The following PPP2R2D variants were observed in gnomAD, a reference collection of about 807,000 sequenced individuals.
The protein encoded by PPP2R2D is protein phosphatase 2 regulatory subunit Bdelta.
Under a neutral mutation model 31.1 loss-of-function variants are expected in PPP2R2D, and 9 were observed. The ratio of observed to expected loss-of-function variants is 0.29; its 90% CI spans 0.17 to 0.51. The LOEUF (loss-of-function observed/expected upper bound fraction) is 0.51. Ranked by LOEUF, PPP2R2D falls within the 20% of genes least tolerant of loss-of-function variation. The probability of loss-of-function intolerance (pLI) is 0.98; values close to 1 mark genes in which losing one functional copy is unlikely to be tolerated. For synonymous variants in PPP2R2D, 179 were observed against 172.6 expected (o/e 1.04, Z -0.29); for missense variants, 391 against 465.6 (o/e 0.84, Z 1.48).
At chr10:131,930,985 C>G (rs1169239299) in intron 2 of PPP2R2D, among the ~76,000 whole-genome samples, 2 of 152,220 alleles carry the variant, frequency 1.3e-5, no homozygotes, top group Non-Finnish European at 2.9e-5. Flanking sequence ...CCTCCTCTTT[C>G]CTTCTTTAGC....
chr10:131,917,234 T>C (rs1355090240), intron 2 of PPP2R2D, among the ~76,000 whole-genome samples: 776 of 103,986 alleles, frequency 7.5e-3, no homozygotes, highest in Non-Finnish European at 7.6e-3. Flanking sequence ...CTCAGGCGGG[T>C]GGAATGACAC....
intron 2 of PPP2R2D, among the ~76,000 whole-genome samples, chr10:131,930,206 A>T (rs2036194732): frequency 6.6e-6 from 1 of 151,858 alleles, no homozygotes; most frequent in Non-Finnish European, 1.5e-5. Flanking sequence ...ATGCTTAGTT[A>T]TCTGTGTCTT....
chr10:131,907,731 G>A (rs966727050), intron 2 of PPP2R2D, among the ~76,000 whole-genome samples: 3,944 of 148,356 alleles, frequency 0.027, 84 homozygotes, highest in Non-Finnish European at 0.041. Flanking sequence ...GCAGCAGAGC[G>A]AGACTCCATA....
At chr10:131,941,154 G>T (rs1197617508) in intron 5 of PPP2R2D, among the ~76,000 whole-genome samples, 1 of 152,186 alleles carries the variant, frequency 6.6e-6, no homozygotes, top group Non-Finnish European at 1.5e-5. Context: ...GGCAGATGCT[G>T]ATGGTTCAGA....
At chr10:131,938,566 C>T (rs1479703963) in intron 3 of PPP2R2D, among the ~76,000 whole-genome samples, 8 of 152,196 alleles carry the variant, frequency 5.3e-5, no homozygotes, top group African/African-American at 1.7e-4. Context: ...TTCACTCTCC[C>T]TCTAGCTTCC....
rs1554898063 is a variant in PPP2R2D at position 131,947,073 on chromosome 10, A to T, written c.821-457A>T. On this transcript the variant is annotated intron_variant, in intron 7 of 8. Transcript: ENST00000455566. This position sits in a 1 kb window ranked among gnomAD's most constrained non-coding sequence, Gnocchi z 4.3. ...AGGCACAGACCGCTGTGTCTGCATG[A>T]CCATATAATGCTGTTTGTGTCTTCC... Among the ~76,000 whole-genome samples, 3 of 152,156 alleles carry T rather than the reference A, an allele frequency of 2.0e-5. No individual in the cohort carries two copies. The highest frequency in any genetic ancestry group is 4.4e-5 in the Non-Finnish European group (3 of 68,016).
chr10:131,918,081 TGACA>T (rs2035855970), intron 2 of PPP2R2D, among the ~76,000 whole-genome samples: 1 of 133,058 alleles, frequency 7.5e-6, no homozygotes, highest in African/African-American at 2.9e-5. Context: ...GCGGGTGGAG[TGACA>T]CAGTGTTTGT....
At chr10:131,902,156 T>G (rs2035510737) in intron 2 of PPP2R2D, among the ~76,000 whole-genome samples, 1 of 152,222 alleles carries the variant, frequency 6.6e-6, no homozygotes, top group African/African-American at 2.4e-5. Flanking sequence ...AATGGAGAAC[T>G]TGGTCGAGTC....
intron 2 of PPP2R2D, among the ~76,000 whole-genome samples, chr10:131,904,381 G>T (rs1225803110): frequency 6.6e-6 from 1 of 151,748 alleles, no homozygotes; most frequent in Non-Finnish European, 1.5e-5. Flanking sequence ...GTGATGGCGG[G>T]CGCCTGCAGT....
intron 2 of PPP2R2D, among the ~76,000 whole-genome samples, chr10:131,924,238 T>C (rs1173739515): frequency 6.6e-6 from 1 of 152,194 alleles, no homozygotes; most frequent in Admixed American, 6.5e-5. Flanking sequence ...GACCACTGTC[T>C]AATCCAAGAT....
downstream of PPP2R2D, among the ~76,000 whole-genome samples, chr10:131,960,445 T>C (rs1554901280): frequency 1.3e-5 from 2 of 152,198 alleles, no homozygotes; most frequent in South Asian, 4.1e-4. Flanking sequence ...ATGGAGCTCC[T>C]ATGAACCAGT....
chr10:131,923,605 T>A (rs1554894542), intron 2 of PPP2R2D, among the ~76,000 whole-genome samples: 1 of 152,210 alleles, frequency 6.6e-6, no homozygotes, highest in African/African-American at 2.4e-5. Context: ...CTTGTTATTG[T>A]CTGTCTAATT....
At chr10:131,954,297 A>C (rs1177657243) in intron 8 of PPP2R2D, among the ~76,000 whole-genome samples, 3 of 152,270 alleles carry the variant, frequency 2.0e-5, no homozygotes, top group Non-Finnish European at 2.9e-5. Flanking sequence ...TCGGCCATAC[A>C]TCATCTGTCG....
At chr10:131,946,535 C>T (rs1304946527) in intron 7 of PPP2R2D, among the ~76,000 whole-genome samples, 1 of 152,192 alleles carries the variant, frequency 6.6e-6, no homozygotes, top group African/African-American at 2.4e-5. Flanking sequence ...TTTAAGAATT[C>T]GTATTTCTAC....
At chr10:131,907,030 C>G (rs1272601064) in intron 2 of PPP2R2D, among the ~76,000 whole-genome samples, 9 of 151,746 alleles carry the variant, frequency 5.9e-5, no homozygotes, top group Admixed American at 5.2e-4. Flanking sequence ...CCTATAATGT[C>G]TTTTATATGT....
intron 2 of PPP2R2D, among the ~76,000 whole-genome samples, chr10:131,903,590 G>A (rs1292854253): frequency 1.3e-5 from 2 of 151,898 alleles, no homozygotes; most frequent in Non-Finnish European, 2.9e-5. Flanking sequence ...CAAAAGTTTG[G>A]TATTTCGAGT....
intron 5 of PPP2R2D, among the ~76,000 whole-genome samples, chr10:131,941,012 G>C (rs752638318): frequency 2.2e-4 from 34 of 152,176 alleles, no homozygotes; most frequent in African/African-American, 8.2e-4. Context: ...AACAGCACCT[G>C]GGAGGTTGGA....
intron 8 of PPP2R2D, among the ~76,000 whole-genome samples, chr10:131,953,742 C>T (rs1267962505): frequency 1.6e-5 from 1 of 63,114 alleles, no homozygotes; most frequent in African/African-American, 6.9e-5. Context: ...TGCTGGTGTG[C>T]GGGGGTTCAC....
intron 2 of PPP2R2D, chr10:131,911,711 C>G (rs2035686568): frequency 6.8e-6 from 1 of 147,616 alleles, no homozygotes; most frequent in African/African-American, 2.5e-5. Flanking sequence ...ATAGTCTTGA[C>G]CTCACGGACC....
Sources: allele counts gnomAD v4.1 joint callset (sites outside exome capture counted in the v4.1 genomes callset), GRCh38; gene constraint gnomAD v4.1.1; non-coding constraint Gnocchi (gnomAD v3.1); transcripts MANE v1.5; gene names NCBI Gene and HGNC (gene_info 2026-07-23, HGNC 2026-07-21).